NPIPA8: variants seen among roughly 807,000 people sequenced by gnomAD.
The protein encoded by NPIPA8 is nuclear pore complex-interacting protein family member A8.
NPIPA8 carries 1 observed loss-of-function variant against 7.1 expected under a neutral mutation model. The ratio of observed to expected loss-of-function variants is 0.14; its 90% CI spans 0.05 to 0.66. NPIPA8 has a LOEUF of 0.66. NPIPA8 is among the 30% of genes least tolerant of loss of function. The probability of loss-of-function intolerance (pLI) is 0.84; values close to 1 mark genes in which losing one functional copy is unlikely to be tolerated.
chr16:18,335,906 C>T (rs1489910905), upstream of NPIPA8, among the ~76,000 whole-genome samples: 3 of 145,036 alleles, frequency 2.1e-5, no homozygotes, highest in Admixed American at 6.8e-5. Flanking sequence ...CTGCAAGCTC[C>T]GCCTCCTGGG....
upstream of NPIPA8, among the ~76,000 whole-genome samples, chr16:18,336,074 G>A (rs1205823890): frequency 1.1e-4 from 16 of 150,994 alleles, no homozygotes; most frequent in Admixed American, 4.6e-4. Flanking sequence ...TGCCCGCCTC[G>A]GCCTCCCAAA....
rs750129798 is a variant in NPIPA8 at position 18,323,847 on chromosome 16, A to AAAAAAAAAAAAAAAG, written c.437+243_437+244insCTTTTTTTTTTTTTT. ...AAAAAAAAAAAAAAAAAAAAAAAAAAAGAGAAAGGAAAACCAATGCCAGTA... is the reference window on the plus strand; with the variant it reads ...AAAAAAAAAAAAAAAAAAAAAAAAAAAAAAAAAAAAAAAAGAGAGAAAGGAAAACCAATGCCAGTA... On this transcript the variant is annotated intron_variant, in intron 4 of 7. Coordinates refer to ENST00000541810, the Ensembl canonical transcript of NPIPA8. Among the ~76,000 whole-genome samples, 90 of 91,618 alleles carry AAAAAAAAAAAAAAAG rather than the reference A, an allele frequency of 9.8e-4. 15 individuals are homozygous for AAAAAAAAAAAAAAAG. The highest frequency in any genetic ancestry group is 3.2e-3 in the East Asian group (9 of 2,854). The allele number at this position is 91,618 out of a possible 152,430, so 60.1% of individuals were successfully genotyped here. A position where few individuals can be genotyped will look rare whatever the true frequency, so the allele number is the denominator to read the frequency against.
chr16:18,336,004 T>G (rs1292847660), upstream of NPIPA8, among the ~76,000 whole-genome samples: 3 of 151,734 alleles, frequency 2.0e-5, no homozygotes, highest in Non-Finnish European at 4.4e-5. Flanking sequence ...GTATTTGTAG[T>G]AGAGACAGGG....
At chr16:18,335,839 G>T (rs1407886009), upstream of NPIPA8, among the ~76,000 whole-genome samples, 2 of 131,858 alleles carry the variant, frequency 1.5e-5, no homozygotes, top group East Asian at 2.3e-4. Context: ...CTTTTTTTTG[G>T]AGATGGAGTC....
intron 2 of NPIPA8, among the ~76,000 whole-genome samples, chr16:18,325,070 G>T (rs867098257): frequency 1.5e-5 from 1 of 67,704 alleles, no homozygotes; most frequent in African/African-American, 6.7e-5. Flanking sequence ...GCAGGAAAAG[G>T]TTGTGGTGAG....
At chr16:18,335,472 T>G (rs538112434), upstream of NPIPA8, among the ~76,000 whole-genome samples, 881 of 115,218 alleles carry the variant, frequency 7.6e-3, 14 homozygotes, top group African/African-American at 0.022. Context: ...AGTGCTGGGA[T>G]TACAGGTGTG....
chr16:18,335,776 A>T, upstream of NPIPA8, among the ~76,000 whole-genome samples: 1 of 134,668 alleles, frequency 7.4e-6, no homozygotes, highest in Non-Finnish European at 1.6e-5. Flanking sequence ...GCTTAGAAAA[A>T]TTCTATCGTG....
intron 4 of NPIPA8, among the ~76,000 whole-genome samples, chr16:18,323,807 G>A (rs1326455105): frequency 3.0e-5 from 2 of 67,066 alleles, no homozygotes; most frequent in African/African-American, 5.3e-5. Context: ...CAAGAGCAAA[G>A]CCCCATCTCA....
In NPIPA8 at chr16:18,323,819, GAAAAAAAAA is replaced by G. The variant is rs1162097124; in HGVS notation, c.437+263_437+271del. ...CAACAAGAGCAAAGCCCCATCTCAG[GAAAAAAAAA>G]AAAAAAAAAAAAAAAAAAAAGAGAA... On this transcript the variant is annotated intron_variant, in intron 4 of 7. Transcript: ENST00000541810. 1.8e-4 allele frequency among the ~76,000 whole-genome samples: 6 copies of G among 33,120 alleles called. 1 individual carries two copies. The highest frequency in any genetic ancestry group is 3.8e-4 in the African/African-American group (5 of 13,024). The allele number at this position is 33,120 out of a possible 152,430, so 21.7% of individuals were successfully genotyped here. A position where few individuals can be genotyped will look rare whatever the true frequency, so the allele number is the denominator to read the frequency against.
chr16:18,321,141 T>G lies in NPIPA8; in HGVS notation c.438-17A>C. 2.2e-6 allele frequency: 3 copies of G among 1,393,652 alleles called. 1 individual carries two copies. Among genetic ancestry groups the G allele is most frequent in the Non-Finnish European group, 2.8e-6 (3 of 1,067,364 alleles). 86.3% of individuals were successfully genotyped at this position (1,393,652 alleles called of 1,614,324 possible). A position where few individuals can be genotyped will look rare whatever the true frequency, so the allele number is the denominator to read the frequency against. ...TTCCTCAGACTAGAAGGGAGAGAAA[T>G]GCACACACATGATCCACCAGCACGT... On this transcript the variant is annotated splice_polypyrimidine_tract_variant and intron_variant, in intron 4 of 7. Transcript: ENST00000541810.
At chr16:18,335,853 C>T (rs1900167882), upstream of NPIPA8, among the ~76,000 whole-genome samples, 1 of 129,576 alleles carries the variant, frequency 7.7e-6, no homozygotes, top group Non-Finnish European at 1.6e-5. Context: ...TGGAGTCTTG[C>T]TCCATTGCCC....
At chr16:18,336,024 G>A (rs1466775818), upstream of NPIPA8, among the ~76,000 whole-genome samples, 2 of 151,704 alleles carry the variant, frequency 1.3e-5, no homozygotes, top group African/African-American at 2.4e-5. Context: ...GTTTCATTGT[G>A]TTGGCCAGGC....
intron 4 of NPIPA8, among the ~76,000 whole-genome samples, chr16:18,323,847 A>AAAAAAAAAAAAAAAAAAAAAAAAAAAAG (rs750129798): frequency 1.1e-5 from 1 of 91,596 alleles, no homozygotes; most frequent in African/African-American, 3.8e-5. Context: ...AAAAAAAAAA[A>AAAAAAAAAAAAAAAAAAAAAAAAAAAAG]AGAGAAAGGA....
chr16:18,323,848 A>G (rs2141361016), intron 4 of NPIPA8, among the ~76,000 whole-genome samples: 1 of 112,656 alleles, frequency 8.9e-6, no homozygotes, highest in South Asian at 2.7e-4. Context: ...AAAAAAAAAA[A>G]GAGAAAGGAA....
Position 18,325,027 on chromosome 16 carries a change from G to A in NPIPA8, c.193-529C>T, listed in dbSNP as rs866940323. On this transcript the variant is annotated intron_variant, in intron 2 of 7. Transcript: ENST00000541810. ...TGCATGCCTGTAATCCCAGCTAGTC[G>A]CGAGGCTGAGGCAGGAGAATCACTT... is the stretch of plus-strand genomic sequence containing the variant. 9.0e-5 allele frequency among the ~76,000 whole-genome samples: 6 copies of A among 66,844 alleles called. 1 individual carries two copies. The highest frequency in any genetic ancestry group is 3.7e-4 in the East Asian group (1 of 2,680). The allele number at this position is 66,844 out of a possible 152,430, so 43.9% of individuals were successfully genotyped here. A position where few individuals can be genotyped will look rare whatever the true frequency, so the allele number is the denominator to read the frequency against.
At chr16:18,323,518 T>TAA (rs1172308198) in intron 4 of NPIPA8, among the ~76,000 whole-genome samples, 15 of 19,862 alleles carry the variant, frequency 7.6e-4, no homozygotes, top group East Asian at 2.1e-3. Flanking sequence ...ATCTCAAAAT[T>TAA]AAAAAAAAAA....
chr16:18,330,200 C>T (rs1467815428), intron 1 of NPIPA8, among the ~76,000 whole-genome samples: 15 of 744 alleles, frequency 0.02, no homozygotes, highest in Middle Eastern at 0.071. Flanking sequence ...GCATGAATAG[C>T]GTGGGATTTC....
chr16:18,323,785 C>A (rs1275605062), intron 4 of NPIPA8, among the ~76,000 whole-genome samples: 4 of 91,378 alleles, frequency 4.4e-5, no homozygotes, highest in Non-Finnish European at 8.5e-5. Flanking sequence ...CATTGAACTG[C>A]AGCCTGGGCA....
intron 2 of NPIPA8, among the ~76,000 whole-genome samples, chr16:18,324,799 G>GTC (rs1193607513): frequency 6.1e-5 from 3 of 49,328 alleles, no homozygotes; most frequent in Non-Finnish European, 8.9e-5. Flanking sequence ...ATGAGACTCT[G>GTC]TCACACACAC....
Sources: gnomAD v4.1 joint callset for allele counts (sites outside exome capture counted in the v4.1 genomes callset) on GRCh38, gnomAD v4.1.1 for gene constraint, MANE v1.5 for transcripts, NCBI Gene and HGNC (gene_info 2026-07-23, HGNC 2026-07-21) for gene names.